FAR1: variants seen among roughly 807,000 people sequenced by gnomAD.
The protein encoded by FAR1 is fatty acyl-CoA reductase 1, also known as male sterility domain-containing protein 2.
In FAR1, 22 loss-of-function variants were observed where a neutral mutation model predicts 61.1. That is an observed-to-expected ratio of 0.36 (90% CI 0.26 to 0.51). The LOEUF is 0.51. FAR1 is among the 20% of genes least tolerant of loss of function. FAR1 has a pLI of 0.95. For synonymous variants in FAR1, 206 were observed against 209.7 expected, an observed-to-expected ratio of 0.98 and a Z score of 0.15; for missense variants, 359 against 626.9, an observed-to-expected ratio of 0.57 and a Z score of 4.56.
chr11:13,710,635 G>C, intron 4 of FAR1, 58 bp from the exon 5 acceptor site: 3 of 1,438,358 alleles, frequency 2.1e-6, no homozygotes, highest in Non-Finnish European at 2.8e-6. Flanking sequence ...CAATTAAGTA[G>C]CTTTTTATTT....
chr11:13,728,485 C>A, intron 11 of FAR1, 127 bp from the exon 12 acceptor site: 6 of 794,058 alleles, frequency 7.6e-6, no homozygotes, highest in South Asian at 6.9e-5. Flanking sequence ...ATACTTAATG[C>A]CTATCATAAG....
At chr11:13,688,724 TTGAG>T in intron 1 of FAR1, among the ~76,000 whole-genome samples, 1 of 152,336 alleles carries the variant, frequency 6.6e-6, no homozygotes, top group South Asian at 2.1e-4. Flanking sequence ...TTAATATATA[TTGAG>T]TATGTAATTG....
In FAR1 at chr11:13,714,508, G is replaced by T; in HGVS notation, c.956-1G>T. On this transcript the variant is annotated splice_acceptor_variant, in intron 8 of 11. Coordinates refer to ENST00000354817, the MANE Select transcript of FAR1 (RefSeq NM_032228.6). LOFTEE classifies it high-confidence loss of function. Reference sequence around the variant, plus strand: ...GCTGTTACACAACTTTTCTTCTTCAGAGTACCATGTAATTTCCACTTTCAA... The same window carrying T: ...GCTGTTACACAACTTTTCTTCTTCATAGTACCATGTAATTTCCACTTTCAA... 1 of 1,606,720 alleles carries T rather than the reference G, an allele frequency of 6.2e-7. No individual in the cohort carries two copies. The highest frequency in any genetic ancestry group is 8.5e-7 in the Non-Finnish European group (1 of 1,177,534).
At chr11:13,670,320 G>A (rs767892394) in intron 1 of FAR1, among the ~76,000 whole-genome samples, 1 of 148,582 alleles carries the variant, frequency 6.7e-6, no homozygotes, top group South Asian at 2.2e-4. Flanking sequence ...TGTGTGTCTC[G>A]CTTTGTTGCC....
At chr11:13,718,827 G>C (rs115818669) in intron 9 of FAR1, among the ~76,000 whole-genome samples, 1,866 of 152,194 alleles carry the variant, frequency 0.012, 37 homozygotes, top group African/African-American at 0.042. Context: ...AGTGGTAAAG[G>C]GGGGAAGGGG....
chr11:13,713,323 T>A (rs140980355), intron 8 of FAR1, among the ~76,000 whole-genome samples: 1,585 of 144,510 alleles, frequency 0.011, 27 homozygotes, highest in African/African-American at 0.037. Flanking sequence ...ACCTATGGCA[T>A]GGGAACAGTG....
chr11:13,708,348 ACT>A (rs1491151436), intron 4 of FAR1, among the ~76,000 whole-genome samples: 1 of 150,744 alleles, frequency 6.6e-6, no homozygotes, highest in African/African-American at 2.4e-5. Flanking sequence ...ACACAGTGAA[ACT>A]CTGTCTCAAA....
At chr11:13,718,344 T>C (rs1256673784) in intron 9 of FAR1, among the ~76,000 whole-genome samples, 4 of 152,216 alleles carry the variant, frequency 2.6e-5, no homozygotes, top group Admixed American at 6.5e-5. Context: ...TGTCCTCTTT[T>C]GCCCTCTTTC....
intron 1 of FAR1, among the ~76,000 whole-genome samples, chr11:13,680,864 A>G (rs967307317): frequency 6.6e-6 from 1 of 152,224 alleles, no homozygotes; most frequent in African/African-American, 2.4e-5. Context: ...TAATCAAAAC[A>G]TTAAGTGATG....
intron 2 of FAR1, among the ~76,000 whole-genome samples, chr11:13,696,411 A>G (rs2134181172): frequency 6.6e-6 from 1 of 152,192 alleles, no homozygotes; most frequent in African/African-American, 2.4e-5. Context: ...ATAGGAACAG[A>G]TATTTAAGCT....
At chr11:13,728,485 C>G (rs1848688788) in intron 11 of FAR1, 127 bp from the exon 12 acceptor site, 2 of 793,946 alleles carry the variant, frequency 2.5e-6, no homozygotes, top group Admixed American at 2.4e-5. Context: ...ATACTTAATG[C>G]CTATCATAAG....
At chr11:13,705,884 T>C (rs532011756) in intron 3 of FAR1, among the ~76,000 whole-genome samples, 1 of 152,268 alleles carries the variant, frequency 6.6e-6, no homozygotes, top group South Asian at 2.1e-4. Flanking sequence ...GAATATTCTC[T>C]GTATTCCTCT....
intron 1 of FAR1, 52 bp from the exon 2 acceptor site, chr11:13,694,707 A>C (rs1848289523): frequency 7.0e-7 from 1 of 1,425,470 alleles, no homozygotes; most frequent in South Asian, 1.4e-5. Flanking sequence ...TTTAGTATGA[A>C]AGAATGATGG....
chr11:13,705,914 A>G (rs959652562), intron 3 of FAR1, among the ~76,000 whole-genome samples: 5 of 152,022 alleles, frequency 3.3e-5, no homozygotes, highest in Non-Finnish European at 5.9e-5. Context: ...TACCCTCCCT[A>G]TCCCCATTGT....
intron 1 of FAR1, among the ~76,000 whole-genome samples, chr11:13,685,858 A>C (rs1476246827): frequency 6.6e-6 from 1 of 152,136 alleles, no homozygotes. Context: ...ATTTTTGTCC[A>C]TTGTATGCAG....
intron 1 of FAR1, chr11:13,670,155 C>T (rs1044168484): frequency 2.6e-5 from 4 of 152,136 alleles, no homozygotes; most frequent in African/African-American, 7.2e-5. Flanking sequence ...CAGCCTCAAA[C>T]TCCTCGGCCC....
At chr11:13,687,320 G>C (rs1848197993) in intron 1 of FAR1, among the ~76,000 whole-genome samples, 1 of 152,194 alleles carries the variant, frequency 6.6e-6, no homozygotes, top group Non-Finnish European at 1.5e-5. Context: ...AGCAGCTCAA[G>C]AACAGTGAAA....
intron 1 of FAR1, among the ~76,000 whole-genome samples, chr11:13,679,603 G>C (rs1591254796): frequency 6.6e-6 from 1 of 152,094 alleles, no homozygotes; most frequent in South Asian, 2.1e-4. Context: ...TGGCCTTAAG[G>C]ACAGAAACAG....
chr11:13,696,258 A>G (rs913849315), intron 2 of FAR1, among the ~76,000 whole-genome samples: 1 of 152,046 alleles, frequency 6.6e-6, no homozygotes, highest in Admixed American at 6.6e-5. Context: ...TATTTTTTAG[A>G]TAATATTTAT....
Sources: gnomAD v4.1 joint callset for allele counts (sites outside exome capture counted in the v4.1 genomes callset) on GRCh38, gnomAD v4.1.1 for gene constraint, MANE v1.5 for transcripts, NCBI Gene and HGNC (gene_info 2026-07-23, HGNC 2026-07-21) for gene names.